The following ITGB5 variants were observed in gnomAD, a reference collection of about 807,000 sequenced individuals.
The protein encoded by ITGB5 is integrin subunit beta 5.
In ITGB5, 38 loss-of-function variants were observed where a neutral mutation model predicts 84.8. The ratio of observed to expected loss-of-function variants is 0.45; its 90% confidence interval spans 0.35 to 0.59. The LOEUF is 0.59. Ranked by LOEUF, ITGB5 falls within the 20% of genes least tolerant of loss-of-function variation. The pLI, the probability that ITGB5 is intolerant of heterozygous loss-of-function variation, is 0.01. For missense variants in ITGB5, 905 were observed against 1,034.5 expected, an observed-to-expected ratio of 0.87 and a Z score of 1.72; for synonymous variants, 393 against 414.4, an observed-to-expected ratio of 0.95 and a Z score of 0.63.
intron 5 of ITGB5, among the ~76,000 whole-genome samples, chr3:124,839,218 C>T (rs1012661326): frequency 6.6e-6 from 1 of 152,230 alleles, no homozygotes; most frequent in African/African-American, 2.4e-5. Context: ...CAAATTTCAA[C>T]AGGTATAAGC....
At chr3:124,773,544 TA>T in intron 11 of ITGB5, 145 bp downstream of exon 11, 1 of 664,346 alleles carries the variant, frequency 1.5e-6, no homozygotes. Flanking sequence ...TTACGGTTGG[TA>T]AGAATGCGGC....
chr3:124,887,093 G>A lies in ITGB5; in HGVS notation c.-93C>T, dbSNP rs1934858068. 1 of 362,994 alleles carries A rather than the reference G, an allele frequency of 2.8e-6. No individual in the cohort carries two copies. Among genetic ancestry groups the A allele is most frequent in the African/African-American group, 2.2e-5 (1 of 44,936 alleles). 22.5% of individuals were successfully genotyped at this position (362,994 alleles called of 1,614,324 possible). A position where few individuals can be genotyped will look rare whatever the true frequency, so the allele number is the denominator to read the frequency against. On this transcript the variant is annotated 5_prime_UTR_variant, in exon 1 of 15. Coordinates refer to ENST00000296181, the MANE Select transcript of ITGB5 (RefSeq NM_002213.5). ...GCCGGAGCGCGGGGGCCGAGGGCCG[G>A]GGGCCGCAGCCGCATGCCCCGCGCG...
At chr3:124,768,123 C>A (rs970098252) in intron 12 of ITGB5, among the ~76,000 whole-genome samples, 1 of 152,114 alleles carries the variant, frequency 6.6e-6, no homozygotes, top group African/African-American at 2.4e-5. Context: ...CAGGTGGGAA[C>A]AAGGAAGTCT....
chr3:124,765,645 T>C (rs755932205), intron 13 of ITGB5, among the ~76,000 whole-genome samples: 3 of 152,180 alleles, frequency 2.0e-5, no homozygotes, highest in Non-Finnish European at 4.4e-5. Context: ...ATAACTCCCA[T>C]TGCCCTGACT....
intron 1 of ITGB5, among the ~76,000 whole-genome samples, chr3:124,881,147 C>T (rs1253701594): frequency 6.6e-6 from 1 of 151,698 alleles, no homozygotes; most frequent in Non-Finnish European, 1.5e-5. Flanking sequence ...CCATGCCTGG[C>T]TAATTTTTGT....
chr3:124,815,392 A>C (rs1338110612), intron 8 of ITGB5, among the ~76,000 whole-genome samples: 2 of 152,228 alleles, frequency 1.3e-5, no homozygotes, highest in African/African-American at 2.4e-5. Context: ...GCTGACAATG[A>C]AATGCTGACA....
Position 124,881,951 on chromosome 3 carries a change from G to A in ITGB5, c.70+4980C>T, listed in dbSNP as rs970693373. Among the ~76,000 whole-genome samples, 3 of 152,106 alleles carry A rather than the reference G, an allele frequency of 2.0e-5. No individual in the cohort carries two copies. The East Asian group carries it at 5.8e-4, about 29-fold the overall frequency. Reference sequence around the variant, plus strand: ...CCACTGCACTCCAGCCTGGGCAACAGAGTGAGACTCCAATTAAAAAAAAAA... The same window carrying A: ...CCACTGCACTCCAGCCTGGGCAACAAAGTGAGACTCCAATTAAAAAAAAAA... On this transcript the variant is annotated intron_variant, in intron 1 of 14. Transcript: ENST00000296181.
intron 2 of ITGB5, 21 bp downstream of exon 2, chr3:124,873,425 T>G: frequency 6.4e-7 from 1 of 1,559,522 alleles, no homozygotes; most frequent in Non-Finnish European, 8.8e-7. Context: ...CCCTTCTTCC[T>G]CCCCTCCCCC....
chr3:124,879,122 T>C (rs1466796777), intron 1 of ITGB5, among the ~76,000 whole-genome samples: 1 of 152,160 alleles, frequency 6.6e-6, no homozygotes, highest in Non-Finnish European at 1.5e-5. Context: ...ATGCAAGAAA[T>C]GTTTATCCTA....
intron 14 of ITGB5, 79 bp from the exon 15 acceptor site, chr3:124,763,797 C>T: frequency 1.2e-6 from 1 of 831,222 alleles, no homozygotes. Flanking sequence ...GCCCTAGGAT[C>T]CCTTCCCAGG....
Position 124,809,101 on chromosome 3 carries a change from A to G in ITGB5, c.1184T>C (p.Leu395Pro). 1 of 1,614,134 alleles carries G rather than the reference A, an allele frequency of 6.2e-7. No homozygotes were observed. Among genetic ancestry groups the G allele is most frequent in the South Asian group, 1.1e-5 (1 of 91,080 alleles). ...ATCTTGGCAGGTAGCAGTAAAGAAG[A>G]GATTAAGATCCTCAGGCTGATCCCA... ...SVWDQPEDLN[L>P]FFTATCQDGV... Residue 395 changes from leucine to proline, a missense_variant, in exon 9 of 15, where the codon CTC becomes CCC. Around this residue, in one of 3 missense-constraint regions of ITGB5, gnomAD observed 656 missense variants for 734.7 expected, o/e 0.89. Coordinates refer to ENST00000296181, the MANE Select transcript of ITGB5 (RefSeq NM_002213.5).
intron 5 of ITGB5, among the ~76,000 whole-genome samples, chr3:124,839,738 A>G (rs1344941954): frequency 1.3e-5 from 2 of 152,238 alleles, no homozygotes; most frequent in Non-Finnish European, 1.5e-5. Context: ...AAATTCATAA[A>G]CTATTTTGTG....
At chr3:124,804,181 T>C (rs1172139730) in intron 9 of ITGB5, among the ~76,000 whole-genome samples, 4 of 152,240 alleles carry the variant, frequency 2.6e-5, no homozygotes, top group Admixed American at 2.0e-4. Flanking sequence ...TTGACCTTTC[T>C]AGCTTCTAAA....
At chr3:124,799,963 A>G (rs1256191317) in intron 9 of ITGB5, among the ~76,000 whole-genome samples, 1 of 152,188 alleles carries the variant, frequency 6.6e-6, no homozygotes, top group Non-Finnish European at 1.5e-5. Context: ...CAGATAGGAT[A>G]AGAGTGGGGA....
chr3:124,807,941 C>CAAAAAAAA lies in ITGB5; in HGVS notation c.1263+1073_1263+1080dup, dbSNP rs552552243. Among the ~76,000 whole-genome samples, 8 of 26,802 alleles carry CAAAAAAAA rather than the reference C, an allele frequency of 3.0e-4. 3 individuals are homozygous for CAAAAAAAA. Among genetic ancestry groups the CAAAAAAAA allele is most frequent in the Non-Finnish European group, 5.7e-4 (8 of 13,988 alleles). The allele number at this position is 26,802 out of a possible 152,430, so 17.6% of individuals were successfully genotyped here. A position where few individuals can be genotyped will look rare whatever the true frequency, so the allele number is the denominator to read the frequency against. ...TGGGCGACAGAGCGAGACTTCATCT[C>CAAAAAAAA]AAAAAAAAAAAAAAAAAAAAAAAAA... On this transcript the variant is annotated intron_variant, in intron 9 of 14. Coordinates refer to ENST00000296181, the MANE Select transcript of ITGB5 (RefSeq NM_002213.5).
intron 13 of ITGB5, 71 bp from the exon 14 acceptor site, chr3:124,764,628 T>C: frequency 6.7e-7 from 1 of 1,484,846 alleles, no homozygotes; most frequent in Non-Finnish European, 9.2e-7. Context: ...ACTGCAGGCA[T>C]TTCTGAGATG....
chr3:124,894,128 A>ATTTTTTTT (rs1464038480), intron 1 of ITGB5, among the ~76,000 whole-genome samples: 32 of 61,876 alleles, frequency 5.2e-4, no homozygotes, highest in South Asian at 1.1e-3. Flanking sequence ...AAGTTGTGAT[A>ATTTTTTTT]TTTTTCTTTT....
chr3:124,883,020 A>G (rs1164444844), intron 1 of ITGB5, among the ~76,000 whole-genome samples: 1 of 152,204 alleles, frequency 6.6e-6, no homozygotes, highest in African/African-American at 2.4e-5. Context: ...TTCGAACCGG[A>G]AAGAAGGAAA....
chr3:124,883,335 A>C (rs1369888346), intron 1 of ITGB5, among the ~76,000 whole-genome samples: 1 of 152,220 alleles, frequency 6.6e-6, no homozygotes, highest in East Asian at 1.9e-4. Flanking sequence ...GAGAACAAGC[A>C]GGCGGGGAAT....
Sources: gnomAD v4.1 joint callset for allele counts (sites outside exome capture counted in the v4.1 genomes callset) on GRCh38, gnomAD v4.1.1 for gene constraint, gnomAD v4.1.1 regional missense constraint, MANE v1.5 for transcripts, NCBI Gene and HGNC (gene_info 2026-07-23, HGNC 2026-07-21) for gene names.